The following TRAK2 variants were observed in gnomAD, a reference collection of about 807,000 sequenced individuals.
TRAK2 encodes trafficking kinesin protein 2.
In TRAK2, 81 loss-of-function variants were observed where a neutral mutation model predicts 104.6. The ratio of observed to expected loss-of-function variants is 0.77; its 90% CI spans 0.65 to 0.93. TRAK2 has a LOEUF of 0.93. Ranked by LOEUF, TRAK2 falls within the 40% of genes least tolerant of loss-of-function variation. The pLI, the probability that TRAK2 is intolerant of heterozygous loss-of-function variation, is 0.00. For synonymous variants in TRAK2, 406 were observed against 394.4 expected, an observed-to-expected ratio of 1.03 and a Z score of -0.35; for missense variants, 1,002 against 1,089.0, an observed-to-expected ratio of 0.92 and a Z score of 1.12.
intron 15 of TRAK2, 25 bp from the exon 16 acceptor site, chr2:201,381,243 G>C (rs761369581): frequency 1.3e-6 from 2 of 1,548,880 alleles, no homozygotes; most frequent in Non-Finnish European, 1.7e-6. Flanking sequence ...AAAAAAGTGG[G>C]AGACAGTGTT....
chr2:201,422,677 G>A (rs997533613), intron 1 of TRAK2, among the ~76,000 whole-genome samples: 1 of 152,034 alleles, frequency 6.6e-6, no homozygotes, highest in African/African-American at 2.4e-5. Context: ...GGGAAAATTC[G>A]GTTTATTTAA....
At chr2:201,394,548 C>A (rs915256705) in intron 9 of TRAK2, among the ~76,000 whole-genome samples, 3 of 151,702 alleles carry the variant, frequency 2.0e-5, no homozygotes, top group Admixed American at 2.0e-4. Context: ...ACCATGTTGG[C>A]CAGGCTGGTC....
intron 2 of TRAK2, among the ~76,000 whole-genome samples, chr2:201,416,802 A>G (rs1951695616): frequency 6.6e-6 from 1 of 152,146 alleles, no homozygotes; most frequent in Non-Finnish European, 1.5e-5. Flanking sequence ...ACCTGGAGCA[A>G]GCAGTGAGAA....
rs1309024143 is a variant in TRAK2 at position 201,387,712 on chromosome 2, G to T, written c.1687C>A (p.Pro563Thr). 1.2e-6 allele frequency: 2 copies of T among 1,602,882 alleles called. No homozygotes were observed. Among genetic ancestry groups the T allele is most frequent in the Non-Finnish European group, 1.7e-6 (2 of 1,173,454 alleles). ...CTTACTGATTTATTACCTTCAAGGGGCTTGACAATTTGTAATTTTTCTGGC... is the reference window on the plus strand; with the variant it reads ...CTTACTGATTTATTACCTTCAAGGGTCTTGACAATTTGTAATTTTTCTGGC... ...FMPEKLQIVK[P>T]LEGSQTLYHW... is the part of the protein sequence containing the mutation. The change falls in exon 13 of 16, where the codon CCC (proline) becomes ACC (threonine). Residue 563 changes from proline (P) to threonine (T), a missense_variant. Pro to Thr is a conservative substitution (Grantham distance 38, BLOSUM62 -1). Coordinates refer to ENST00000332624, the MANE Select transcript of TRAK2 (RefSeq NM_015049.3).
intron 1 of TRAK2, among the ~76,000 whole-genome samples, chr2:201,426,988 T>C (rs904180573): frequency 6.6e-6 from 1 of 152,224 alleles, no homozygotes. Context: ...TTAACATTTT[T>C]GAGTCTCATT....
At chr2:201,400,817 C>A (rs1346055423) in intron 4 of TRAK2, among the ~76,000 whole-genome samples, 3 of 152,000 alleles carry the variant, frequency 2.0e-5, no homozygotes, top group East Asian at 1.9e-4. Context: ...AAATAAATAA[C>A]TAAAAATCCT....
At chr2:201,417,241 CAAAAA>C (rs61702415) in intron 2 of TRAK2, among the ~76,000 whole-genome samples, 2 of 88,430 alleles carry the variant, frequency 2.3e-5, no homozygotes, top group East Asian at 3.1e-4. Context: ...GAAGACATTG[CAAAAA>C]AAAAAAAAAA....
At chr2:201,451,088 A>G (rs896864089) in intron 1 of TRAK2, among the ~76,000 whole-genome samples, 18 of 152,202 alleles carry the variant, frequency 1.2e-4, no homozygotes, top group African/African-American at 4.1e-4. Flanking sequence ...ATAAGGCGCT[A>G]TGAGAAGCTG....
chr2:201,389,599 C>G, intron 11 of TRAK2, 96 bp from the exon 12 acceptor site: 1 of 1,228,038 alleles, frequency 8.1e-7, no homozygotes, highest in Non-Finnish European at 1.2e-6. Flanking sequence ...TAAAGCCACC[C>G]TGAGGAGCTA....
At chr2:201,408,055 C>T (rs978103345) in intron 2 of TRAK2, among the ~76,000 whole-genome samples, 5 of 152,092 alleles carry the variant, frequency 3.3e-5, no homozygotes, top group Non-Finnish European at 7.4e-5. Context: ...CAACTATAGC[C>T]ACCCTATGGT....
chr2:201,435,465 A>C (rs1425513797), intron 1 of TRAK2, among the ~76,000 whole-genome samples: 5 of 152,198 alleles, frequency 3.3e-5, no homozygotes, highest in African/African-American at 9.7e-5. Context: ...CATAAAAGCT[A>C]CCCAAGGCTA....
chr2:201,441,849 G>A (rs1364260406), intron 1 of TRAK2, among the ~76,000 whole-genome samples: 4 of 151,360 alleles, frequency 2.6e-5, no homozygotes, highest in African/African-American at 9.7e-5. Context: ...GCTCCACCAC[G>A]CCCAGCTAAT....
intron 1 of TRAK2, among the ~76,000 whole-genome samples, chr2:201,440,620 T>G (rs1291740074): frequency 6.6e-6 from 1 of 152,222 alleles, no homozygotes; most frequent in Non-Finnish European, 1.5e-5. Flanking sequence ...TTTGTGAGAA[T>G]TTTACTGTTA....
At chr2:201,438,474 T>C (rs1951894875) in intron 1 of TRAK2, among the ~76,000 whole-genome samples, 1 of 152,226 alleles carries the variant, frequency 6.6e-6, no homozygotes, top group African/African-American at 2.4e-5. Context: ...ATTACTGTCA[T>C]CATTTTACAG....
At position 201,378,691 on chromosome 2, in the gene TRAK2, A is replaced by G. The variant is rs536485812; in HGVS notation, c.*1852T>C. On this transcript the variant is annotated 3_prime_UTR_variant, in exon 16 of 16. Transcript: ENST00000332624. ...ATAAACCTGCTGGAATCCTTTCTGA[A>G]ACTCTACACTCTATTGACCTCAGCA... 6.6e-6 allele frequency: 1 copy of G among 152,316 alleles called. No homozygotes were observed. The highest frequency in any genetic ancestry group is 6.5e-5 in the Admixed American group (1 of 15,304). The allele number at this position is 152,316 out of a possible 1,614,324, so 9.4% of individuals were successfully genotyped here.
intron 1 of TRAK2, among the ~76,000 whole-genome samples, chr2:201,440,016 A>G (rs1313384600): frequency 6.6e-6 from 1 of 150,498 alleles, no homozygotes; most frequent in Non-Finnish European, 1.5e-5. Flanking sequence ...GCACACCAGC[A>G]TGGCACATGT....
At chr2:201,390,042 A>G (rs1459498054) in intron 10 of TRAK2, among the ~76,000 whole-genome samples, 162 bp from the exon 11 acceptor site, 1 of 152,216 alleles carries the variant, frequency 6.6e-6, no homozygotes, top group Non-Finnish European at 1.5e-5. Flanking sequence ...TTAAATAAGA[A>G]CCAACTACCT....
chr2:201,422,884 T>C (rs1314494779), intron 1 of TRAK2, among the ~76,000 whole-genome samples: 1 of 152,176 alleles, frequency 6.6e-6, no homozygotes, highest in Non-Finnish European at 1.5e-5. Context: ...ACTTCTGTGG[T>C]TATTGGCATG....
At position 201,386,228 on chromosome 2, in the gene TRAK2, T is replaced by C; in HGVS notation, c.1953A>G (p.Gly651=). ...AGACACTCTTCTCACCTGTAACTGGTCCACCTGCTGAAGTAATGGGTGGCA... is the reference window on the plus strand; with the variant it reads ...AGACACTCTTCTCACCTGTAACTGGCCCACCTGCTGAAGTAATGGGTGGCA... The part of the protein sequence containing the change: ...IFLPPITSAG[G]PVTVATANPG... The change falls in exon 14 of 16, where the codon GGA becomes GGG. Residue 651 remains glycine (G), a synonymous_variant. Coordinates refer to ENST00000332624, the MANE Select transcript of TRAK2 (RefSeq NM_015049.3). The C allele has an allele frequency of 6.2e-7, 1 of 1,614,158 alleles. No individual in the cohort carries two copies. Among genetic ancestry groups the C allele is most frequent in the East Asian group, 2.2e-5 (1 of 44,890 alleles).
Sources: allele counts gnomAD v4.1 joint callset (sites outside exome capture counted in the v4.1 genomes callset), GRCh38; gene constraint gnomAD v4.1.1; transcripts MANE v1.5; gene names NCBI Gene and HGNC (gene_info 2026-07-23, HGNC 2026-07-21).